FRY: variants seen among roughly 807,000 people sequenced by gnomAD.
The protein encoded by FRY is protein furry homolog.
In FRY, 128 loss-of-function variants were observed where a neutral mutation model predicts 348.4. The ratio of observed to expected loss-of-function variants is 0.37; its 90% CI spans 0.32 to 0.43. FRY has a LOEUF of 0.43. Ranked by LOEUF, FRY falls within the 20% of genes least tolerant of loss-of-function variation. The pLI is 1.00. For synonymous variants in FRY, 1,370 were observed against 1,374.7 expected, an observed-to-expected ratio of 1.00 and a Z score of 0.08; for missense variants, 2,736 against 3,695.2, an observed-to-expected ratio of 0.74 and a Z score of 6.73.
chr13:32,227,901 A>ACCAC (rs1285360198), intron 39 of FRY, among the ~76,000 whole-genome samples: 1 of 151,964 alleles, frequency 6.6e-6, no homozygotes, highest in Non-Finnish European at 1.5e-5. Context: ...ACAGGTGCCG[A>ACCAC]CCACCACGCT....
At chr13:32,058,036 T>C (rs1041276231) in intron 1 of FRY, among the ~76,000 whole-genome samples, 1 of 152,204 alleles carries the variant, frequency 6.6e-6, no homozygotes, top group African/African-American at 2.4e-5. Flanking sequence ...TTTATGAATA[T>C]TAGATTAACT....
intron 2 of FRY, among the ~76,000 whole-genome samples, chr13:32,090,350 CAAAAAAA>C (rs34392238): frequency 1.5e-4 from 9 of 58,810 alleles, no homozygotes; most frequent in African/African-American, 4.7e-4. Context: ...GACTCCATCT[CAAAAAAA>C]AAAAAAAAAA....
chr13:32,126,166 G>A (rs1879004947), intron 7 of FRY, among the ~76,000 whole-genome samples: 1 of 152,134 alleles, frequency 6.6e-6, no homozygotes, highest in Non-Finnish European at 1.5e-5. Flanking sequence ...CTCATTTCTA[G>A]AAAAGATTGG....
At chr13:32,044,100 T>G (rs1872890013) in intron 1 of FRY, among the ~76,000 whole-genome samples, 1 of 152,114 alleles carries the variant, frequency 6.6e-6, no homozygotes, top group African/African-American at 2.4e-5. Flanking sequence ...GTAGGTCTAT[T>G]GAATTATGCT....
intron 37 of FRY, among the ~76,000 whole-genome samples, 166 bp from the exon 38 acceptor site, chr13:32,224,767 G>C (rs1885493196): frequency 6.6e-6 from 1 of 152,146 alleles, no homozygotes; most frequent in South Asian, 2.1e-4. Context: ...TCTTATTGTT[G>C]TGGAGCTCTA....
At chr13:32,243,985 T>C in intron 46 of FRY, 57 bp from the exon 47 acceptor site, 1 of 1,588,698 alleles carries the variant, frequency 6.3e-7, no homozygotes, top group Non-Finnish European at 8.6e-7. Context: ...AAAACACGGG[T>C]CCTTCCATAC....
intron 59 of FRY, among the ~76,000 whole-genome samples, chr13:32,293,804 A>AG (rs1424352552): frequency 1.4e-4 from 21 of 152,234 alleles, no homozygotes. Flanking sequence ...TGTGGAACCA[A>AG]GAGTGAGAAA....
At chr13:32,198,317 A>G (rs942343) in intron 29 of FRY, among the ~76,000 whole-genome samples, 118,232 of 152,146 alleles carry the variant, frequency 0.78, 46,167 homozygotes, top group East Asian at 0.98. Flanking sequence ...AAATGTATTA[A>G]TGTTAGATTC....
At chr13:32,218,948 C>T (rs1453784058) in intron 36 of FRY, 117 bp downstream of exon 36, 1 of 697,880 alleles carries the variant, frequency 1.4e-6, no homozygotes, top group Admixed American at 2.0e-5. Context: ...TATTAAGTAA[C>T]CATTTAATCC....
chr13:32,050,647 T>G (rs1259999233), intron 1 of FRY, among the ~76,000 whole-genome samples: 1 of 152,192 alleles, frequency 6.6e-6, no homozygotes, highest in Non-Finnish European at 1.5e-5. Flanking sequence ...TTGAATCAGA[T>G]TCTCCCAGTG....
chr13:32,200,485 G>T (rs1883954891), intron 29 of FRY, among the ~76,000 whole-genome samples: 1 of 152,138 alleles, frequency 6.6e-6, no homozygotes, highest in Admixed American at 6.6e-5. Context: ...ACTTTGGAAG[G>T]CCCAGTTGGG....
At chr13:32,174,927 A>C (rs1413667141) in intron 19 of FRY, among the ~76,000 whole-genome samples, 1 of 152,152 alleles carries the variant, frequency 6.6e-6, no homozygotes, top group African/African-American at 2.4e-5. Flanking sequence ...TGAATGGATG[A>C]ATTAATTTAT....
chr13:32,292,164 G>C (rs1246170803), intron 59 of FRY: 1 of 299,404 alleles, frequency 3.3e-6, no homozygotes, highest in Admixed American at 4.2e-5. Context: ...TGTATTTTTA[G>C]TGGAGACGAT....
In FRY at chr13:32,172,908, C is replaced by T. The variant is rs372480443; in HGVS notation, c.2152-459C>T. Among the ~76,000 whole-genome samples, 25 of 152,292 alleles carry T rather than the reference C, an allele frequency of 1.6e-4. 2 individuals are homozygous for T. Among genetic ancestry groups the T allele is most frequent in the African/African-American group, 6.0e-4 (25 of 41,556 alleles). On this transcript the variant is annotated intron_variant, in intron 18 of 60. Coordinates refer to ENST00000542859, the MANE Select transcript of FRY (RefSeq NM_023037.3). ...GATTGGGAACTTTCAGAATCCATCA[C>T]AGAGCTGTGCAAAACCTAGATTAGA...
intron 1 of FRY, among the ~76,000 whole-genome samples, chr13:32,040,423 A>G (rs919403670): frequency 6.6e-6 from 1 of 152,218 alleles, no homozygotes; most frequent in Non-Finnish European, 1.5e-5. Flanking sequence ...ACTTCCACTG[A>G]AAAATGAGGT....
chr13:32,145,091 G>A (rs1010140694), intron 11 of FRY, among the ~76,000 whole-genome samples: 2 of 152,172 alleles, frequency 1.3e-5, no homozygotes, highest in East Asian at 3.8e-4. Context: ...TAGAATGAAC[G>A]TGGCCTAGCT....
intron 2 of FRY, among the ~76,000 whole-genome samples, chr13:32,083,119 A>C (rs544170933): frequency 1.1e-3 from 168 of 152,058 alleles, no homozygotes; most frequent in African/African-American, 3.8e-3. Context: ...CTTTTTACCC[A>C]TCTTTTATTA....
intron 14 of FRY, among the ~76,000 whole-genome samples, chr13:32,150,778 G>T (rs1276577314): frequency 6.6e-6 from 1 of 152,196 alleles, no homozygotes; most frequent in African/African-American, 2.4e-5. Context: ...GGGCCTGGAG[G>T]CTGGAGACTG....
chr13:32,244,983 C>T (rs754533650), intron 47 of FRY, among the ~76,000 whole-genome samples: 12 of 151,962 alleles, frequency 7.9e-5, no homozygotes, highest in East Asian at 1.9e-4. Context: ...AACTGAGTCT[C>T]GCTCTGTCCA....
Sources: allele counts gnomAD v4.1 joint callset (sites outside exome capture counted in the v4.1 genomes callset), GRCh38; gene constraint gnomAD v4.1.1; transcripts MANE v1.5; gene names NCBI Gene and HGNC (gene_info 2026-07-23, HGNC 2026-07-21).